The following EPAS1 variants were observed in gnomAD, a reference collection of about 807,000 sequenced individuals.
EPAS1 encodes endothelial PAS domain protein 1.
A neutral mutation model predicts 87.9 loss-of-function variants in EPAS1; 23 were observed. The observed-to-expected ratio is 0.26, with a 90% CI of 0.19 to 0.37. The LOEUF is 0.37. EPAS1 is among the 10% of genes least tolerant of loss of function. The pLI is 1.00. For synonymous variants in EPAS1, 508 were observed against 444.3 expected, an observed-to-expected ratio of 1.14 and a Z score of -1.80; for missense variants, 1,138 against 1,120.7, an observed-to-expected ratio of 1.02 and a Z score of -0.22.
intron 6 of EPAS1, among the ~76,000 whole-genome samples, chr2:46,367,849 T>C (rs956919330): frequency 1.3e-5 from 2 of 152,118 alleles, no homozygotes; most frequent in East Asian, 3.9e-4. Context: ...CAAAACCAGA[T>C]GACTTACAGA....
rs1684065043 is a variant in EPAS1 at position 46,347,841 on chromosome 2, A to C, written c.217+778A>C. ...CTTCTGGTTTCAGATCCTAGGTGAC[A>C]TTCTCGTCAGGGGTGTCAGTTCTGT... On this transcript the variant is annotated intron_variant, in intron 2 of 15. Transcript: ENST00000263734. This position sits in a 1 kb window ranked among gnomAD's most constrained non-coding sequence, Gnocchi z 4.2. 6.6e-6 allele frequency among the ~76,000 whole-genome samples: 1 copy of C among 152,168 alleles called. No homozygotes were observed.
intron 1 of EPAS1, among the ~76,000 whole-genome samples, chr2:46,328,309 G>T (rs1683605010): frequency 6.6e-6 from 1 of 152,184 alleles, no homozygotes; most frequent in Non-Finnish European, 1.5e-5. Flanking sequence ...ACAGGTGGAG[G>T]CATTAAGTAC....
intron 1 of EPAS1, among the ~76,000 whole-genome samples, chr2:46,299,112 G>A (rs1558579002): frequency 6.6e-6 from 1 of 152,262 alleles, no homozygotes; most frequent in Non-Finnish European, 1.5e-5. Context: ...TGACTGGCCG[G>A]GAGGGCTCAC....
chr2:46,307,866 A>G (rs546264153), intron 1 of EPAS1, among the ~76,000 whole-genome samples: 2 of 152,286 alleles, frequency 1.3e-5, no homozygotes, highest in East Asian at 3.9e-4. Flanking sequence ...GAGAATCTTC[A>G]GAGTGGGATA....
chr2:46,318,430 GA>G (rs1192483574), intron 1 of EPAS1, among the ~76,000 whole-genome samples: 2 of 152,152 alleles, frequency 1.3e-5, no homozygotes, highest in South Asian at 2.1e-4. Context: ...CATACTATTG[GA>G]AAAATGGCAT....
At position 46,300,198 on chromosome 2, in the gene EPAS1, T is replaced by C. The variant is rs1396306103; in HGVS notation, c.26+2261T>C. On this transcript the variant is annotated intron_variant, in intron 1 of 15. Transcript: ENST00000263734. The surrounding 1 kb of genome is among the most constrained non-coding windows in gnomAD (Gnocchi z 4.1). ...TAATTAAAATATGTGAACCAATACA[T>C]TGAAAGTTGGTGTTGTCATGTAAGT... is the stretch of plus-strand genomic sequence containing the variant. Among the ~76,000 whole-genome samples, 7 of 152,204 alleles carry C rather than the reference T, an allele frequency of 4.6e-5. No individual in the cohort carries two copies. Among genetic ancestry groups the C allele is most frequent in the Admixed American group, 4.6e-4 (7 of 15,290 alleles).
intron 1 of EPAS1, among the ~76,000 whole-genome samples, chr2:46,299,075 G>A (rs1012136451): frequency 6.6e-5 from 10 of 152,366 alleles, no homozygotes; most frequent in Admixed American, 6.5e-4. Flanking sequence ...CGAGGATGAG[G>A]AGGACCGACT....
chr2:46,302,157 C>T (rs1461048398), intron 1 of EPAS1, among the ~76,000 whole-genome samples: 7 of 74,126 alleles, frequency 9.4e-5, no homozygotes, highest in Non-Finnish European at 1.7e-4. Context: ...TGTGCCCGTG[C>T]GTCGGGGGGG....
intron 15 of EPAS1, among the ~76,000 whole-genome samples, chr2:46,383,549 C>G (rs1219763370): frequency 6.6e-6 from 1 of 152,224 alleles, no homozygotes; most frequent in Non-Finnish European, 1.5e-5. Flanking sequence ...AAACACCAGA[C>G]AGCCCTGGCT....
At chr2:46,332,161 C>A (rs139658567) in intron 1 of EPAS1, among the ~76,000 whole-genome samples, 3 of 151,704 alleles carry the variant, frequency 2.0e-5, no homozygotes, top group Non-Finnish European at 4.4e-5. Context: ...CTGCTTGTCC[C>A]AGGAAAAAGA....
chr2:46,336,594 T>G (rs1173857467), intron 1 of EPAS1, among the ~76,000 whole-genome samples: 2 of 152,170 alleles, frequency 1.3e-5, no homozygotes, highest in African/African-American at 4.8e-5. Flanking sequence ...AGAACAGGAT[T>G]CTTCCTGGCC....
At chr2:46,320,821 G>C (rs537475097) in intron 1 of EPAS1, among the ~76,000 whole-genome samples, 2 of 152,182 alleles carry the variant, frequency 1.3e-5, no homozygotes, top group Non-Finnish European at 2.9e-5. Context: ...TTGTGTTGTC[G>C]TTTTCCTTTG....
intron 6 of EPAS1, among the ~76,000 whole-genome samples, chr2:46,361,586 G>A (rs1163624102): frequency 6.6e-6 from 1 of 152,196 alleles, no homozygotes; most frequent in Non-Finnish European, 1.5e-5. Flanking sequence ...CCATTTTGAA[G>A]AAGATGAAGG....
chr2:46,380,438 A>G lies in EPAS1; in HGVS notation c.1766A>G (p.Gln589Arg), dbSNP rs1394911085. The G allele has an allele frequency of 1.2e-6, 2 of 1,613,996 alleles. No individual in the cohort carries two copies. Among genetic ancestry groups the G allele is most frequent in the Admixed American group, 3.3e-5 (2 of 59,996 alleles). Reference protein sequence around the residue: ...PHSPFLLDKFQQQLESKKTEP... With the variant: ...PHSPFLLDKFRQQLESKKTEP... Reference sequence around the variant, plus strand: ...AGTCCCTTCCTCCTGGACAAGTTTCAGCAGCAGCTGGAGAGCAAGAAGACA... The same window carrying G: ...AGTCCCTTCCTCCTGGACAAGTTTCGGCAGCAGCTGGAGAGCAAGAAGACA... The change falls in exon 12 of 16, where the codon CAG (glutamine) becomes CGG (arginine). Residue 589 changes from glutamine to arginine, a missense_variant. By Grantham distance (43) the Gln-to-Arg change is conservative. Around this residue, in one of 4 missense-constraint regions of EPAS1, gnomAD observed 502 missense variants for 427.1 expected, o/e 1.18. Transcript: ENST00000263734. This position sits in a 1 kb window ranked among gnomAD's most constrained non-coding sequence, Gnocchi z 4.4.
intron 1 of EPAS1, among the ~76,000 whole-genome samples, chr2:46,311,650 T>C (rs1257698753): frequency 6.6e-6 from 1 of 152,258 alleles, no homozygotes. Context: ...TGTGAACATA[T>C]CCACGTCTTT....
At chr2:46,379,931 C>T (rs961264019) in intron 11 of EPAS1, 28 of 496,510 alleles carry the variant, frequency 5.6e-5, no homozygotes, top group Non-Finnish European at 9.6e-5. Context: ...GCTGCCTCGG[C>T]TTCAAGAGAG....
Position 46,386,513 on chromosome 2 carries a change from G to A in EPAS1, c.*1853G>A, listed in dbSNP as rs1370648969. 1 of 152,584 alleles carries A rather than the reference G, an allele frequency of 6.6e-6. No individual in the cohort carries two copies. The highest frequency in any genetic ancestry group is 2.4e-5 in the African/African-American group (1 of 41,418). 9.5% of individuals were successfully genotyped at this position (152,584 alleles called of 1,614,324 possible). ...CTGGCATTAAGGGCATTTTACCCTT[G>A]CAGTTTTACTAAAACACTGAAAAAT... On this transcript the variant is annotated 3_prime_UTR_variant, in exon 16 of 16. Coordinates refer to ENST00000263734, the MANE Select transcript of EPAS1 (RefSeq NM_001430.5).
At chr2:46,333,695 C>T (rs1046207938) in intron 1 of EPAS1, among the ~76,000 whole-genome samples, 3 of 152,072 alleles carry the variant, frequency 2.0e-5, no homozygotes, top group East Asian at 1.9e-4. Context: ...TCAAGGAGCA[C>T]GTCCAGCTTG....
At chr2:46,316,979 G>A (rs1289092620) in intron 1 of EPAS1, among the ~76,000 whole-genome samples, 1 of 152,178 alleles carries the variant, frequency 6.6e-6, no homozygotes, top group Non-Finnish European at 1.5e-5. Flanking sequence ...TCCATCTTGA[G>A]AAGCCACTTT....
Sources: gnomAD v4.1 joint callset for allele counts (sites outside exome capture counted in the v4.1 genomes callset) on GRCh38, gnomAD v4.1.1 for gene constraint, gnomAD v4.1.1 regional missense constraint, Gnocchi (gnomAD v3.1) non-coding constraint, MANE v1.5 for transcripts, NCBI Gene and HGNC (gene_info 2026-07-23, HGNC 2026-07-21) for gene names.